The following YPEL2 variants were observed in gnomAD, a reference collection of about 807,000 sequenced individuals.
YPEL2 encodes protein yippee-like 2.
Under a neutral mutation model 19.1 loss-of-function variants are expected in YPEL2, and 2 were observed. The ratio of observed to expected loss-of-function variants is 0.10; its 90% CI spans 0.04 to 0.33. The LOEUF (loss-of-function observed/expected upper bound fraction) is 0.33, where lower values mean the gene tolerates loss of function less well. YPEL2 is among the 10% of genes least tolerant of loss of function. The pLI is 1.00. For missense variants in YPEL2, 66 were observed against 140.7 expected (o/e 0.47, Z 2.68); for synonymous variants, 52 against 50.0 (o/e 1.04, Z -0.17).
At chr17:59,332,363 C>T (rs1471202248) in intron 1 of YPEL2, among the ~76,000 whole-genome samples, 1 of 152,222 alleles carries the variant, frequency 6.6e-6, no homozygotes, top group Non-Finnish European at 1.5e-5. Flanking sequence ...AGCGCGTCGT[C>T]TGCCCCGACC....
intron 2 of YPEL2, among the ~76,000 whole-genome samples, chr17:59,378,626 C>T (rs964959815): frequency 3.9e-5 from 6 of 152,156 alleles, no homozygotes; most frequent in African/African-American, 9.7e-5. Context: ...TGTGAGCCAC[C>T]GTGCCTGGCT....
At chr17:59,385,227 A>G (rs1247565572) in intron 2 of YPEL2, among the ~76,000 whole-genome samples, 2 of 152,238 alleles carry the variant, frequency 1.3e-5, no homozygotes, top group Non-Finnish European at 2.9e-5. Flanking sequence ...GAGTGAAAAA[A>G]GTCAGACAAA....
chr17:59,356,955 T>C (rs4968354), intron 2 of YPEL2, among the ~76,000 whole-genome samples: 143,572 of 152,314 alleles, frequency 0.94, 67,768 homozygotes, highest in East Asian at 1. Context: ...AACGTTTCAA[T>C]CTATGAATTT....
chr17:59,401,608 G>A lies in YPEL2; in HGVS notation c.*4418G>A, dbSNP rs898617763. 33 of 152,566 alleles carry A rather than the reference G, an allele frequency of 2.2e-4. No homozygotes were observed. The highest frequency in any genetic ancestry group is 6.0e-4 in the African/African-American group (25 of 41,436). 9.5% of individuals were successfully genotyped at this position (152,566 alleles called of 1,614,324 possible). A position where few individuals can be genotyped will look rare whatever the true frequency, so the allele number is the denominator to read the frequency against. The stretch of plus-strand genomic sequence containing the variant: ...AAAGGTAATTGTTTTCAAATAATTT[G>A]TCTTCACCTTTTCCTGTATTTGTAC... On this transcript the variant is annotated 3_prime_UTR_variant, in exon 5 of 5. Coordinates refer to ENST00000312655, the MANE Select transcript of YPEL2 (RefSeq NM_001005404.4).
In YPEL2 at chr17:59,394,301, G is replaced by A. The variant is rs149704390; in HGVS notation, c.271-2800G>A. On this transcript the variant is annotated intron_variant, in intron 4 of 4. Coordinates refer to ENST00000312655, the MANE Select transcript of YPEL2 (RefSeq NM_001005404.4). ...GGTCTCCTCACTTCTCAGATGGGGC[G>A]GCCGGGCAGAGACGGCTCCTCACTT... Among the ~76,000 whole-genome samples, 564 of 150,862 alleles carry A rather than the reference G, an allele frequency of 3.7e-3. 4 individuals carry two copies. The highest frequency in any genetic ancestry group is 0.012 in the African/African-American group (497 of 40,978).
chr17:59,374,675 G>A (rs1034611995), intron 2 of YPEL2, among the ~76,000 whole-genome samples: 1 of 152,152 alleles, frequency 6.6e-6, no homozygotes, highest in Non-Finnish European at 1.5e-5. Flanking sequence ...AAATGAAAAA[G>A]GTGTAGAAAA....
intron 2 of YPEL2, among the ~76,000 whole-genome samples, chr17:59,377,640 C>T (rs1277496667): frequency 6.6e-6 from 1 of 152,236 alleles, no homozygotes; most frequent in East Asian, 1.9e-4. Context: ...ATCTGCTGTT[C>T]TAACCCCATG....
Position 59,365,724 on chromosome 17 carries a change from G to C in YPEL2, c.117+12198G>C, listed in dbSNP as rs72831269. 2.6e-4 allele frequency among the ~76,000 whole-genome samples: 40 copies of C among 152,320 alleles called. 1 individual carries two copies. The highest frequency in any genetic ancestry group is 3.1e-4 in the Non-Finnish European group (21 of 68,024). On this transcript the variant is annotated intron_variant, in intron 2 of 4. Transcript: ENST00000312655. ...CTGGTGACCCAGAGTATTATCTCTG[G>C]GGTAAGGGCTGCCCAGCCAAGGGGA...
intron 2 of YPEL2, among the ~76,000 whole-genome samples, chr17:59,367,812 A>T (rs2047877844): frequency 1.3e-5 from 2 of 152,300 alleles, no homozygotes; most frequent in South Asian, 4.1e-4. Flanking sequence ...ATAGGTTACA[A>T]GGTGATCAAG....
At position 59,369,305 on chromosome 17, in the gene YPEL2, A is replaced by G. The variant is rs1157022863; in HGVS notation, c.117+15779A>G. Among the ~76,000 whole-genome samples, 10 of 152,244 alleles carry G rather than the reference A, an allele frequency of 6.6e-5. No homozygotes were observed. In the East Asian group the frequency reaches 1.9e-3, roughly 29 times the overall value. The stretch of plus-strand genomic sequence containing the variant: ...TTTATGTATTTAGAGAATCATTGAA[A>G]CAGGCATTGGAAAATGGGGATTCTT... On this transcript the variant is annotated intron_variant, in intron 2 of 4. Transcript: ENST00000312655.
At chr17:59,343,290 C>T (rs778226402) in intron 1 of YPEL2, among the ~76,000 whole-genome samples, 3 of 151,948 alleles carry the variant, frequency 2.0e-5, no homozygotes, top group Non-Finnish European at 2.9e-5. Context: ...GATGGCCATT[C>T]ATTTTACTCA....
intron 4 of YPEL2, among the ~76,000 whole-genome samples, chr17:59,394,896 G>A (rs144982853): frequency 0.018 from 2,765 of 152,304 alleles, 89 homozygotes; most frequent in African/African-American, 0.062. Flanking sequence ...AGACCAGCCC[G>A]GCCAACACAG....
chr17:59,377,359 T>G (rs1286157725), intron 2 of YPEL2, among the ~76,000 whole-genome samples: 1 of 152,218 alleles, frequency 6.6e-6, no homozygotes, highest in Non-Finnish European at 1.5e-5. Context: ...TGGCTTATAT[T>G]TGAACTGCAG....
intron 4 of YPEL2, among the ~76,000 whole-genome samples, chr17:59,391,854 C>A (rs1177325267): frequency 3.9e-5 from 6 of 151,934 alleles, no homozygotes; most frequent in Admixed American, 1.3e-4. Flanking sequence ...GAGCCGAGAT[C>A]ATGCCATTGC....
chr17:59,346,034 C>G (rs2047754264), intron 1 of YPEL2, among the ~76,000 whole-genome samples: 1 of 152,232 alleles, frequency 6.6e-6, no homozygotes, highest in Non-Finnish European at 1.5e-5. Flanking sequence ...GCACAGGTCT[C>G]TCTGTGCTCT....
At chr17:59,396,694 C>T (rs890417476) in intron 4 of YPEL2, among the ~76,000 whole-genome samples, 11 of 152,262 alleles carry the variant, frequency 7.2e-5, no homozygotes, top group African/African-American at 2.2e-4. Flanking sequence ...ACCGTGGTGA[C>T]GCTGATACCT....
chr17:59,343,507 G>T (rs1013311882), intron 1 of YPEL2, among the ~76,000 whole-genome samples: 5 of 152,162 alleles, frequency 3.3e-5, no homozygotes, highest in African/African-American at 1.2e-4. Flanking sequence ...GGGACCACCA[G>T]CTCTGTTAGG....
At chr17:59,382,022 C>A (rs2047951927) in intron 2 of YPEL2, among the ~76,000 whole-genome samples, 2 of 152,224 alleles carry the variant, frequency 1.3e-5, no homozygotes, top group African/African-American at 4.8e-5. Flanking sequence ...TGGGGCTATT[C>A]TTGTCTATCT....
chr17:59,346,516 T>G (rs900775385), intron 1 of YPEL2, among the ~76,000 whole-genome samples: 2 of 152,030 alleles, frequency 1.3e-5, no homozygotes, highest in Admixed American at 6.6e-5. Flanking sequence ...GCCTCCTTCC[T>G]CCTTGCTTGG....
Sources: allele counts gnomAD v4.1 joint callset (sites outside exome capture counted in the v4.1 genomes callset), GRCh38; gene constraint gnomAD v4.1.1; transcripts MANE v1.5; gene names NCBI Gene and HGNC (gene_info 2026-07-23, HGNC 2026-07-21).